The following ARAP2 variants were observed in gnomAD, a reference collection of about 807,000 sequenced individuals.
ARAP2 encodes arf-GAP with Rho-GAP domain, ANK repeat and PH domain-containing protein 2.
Under a neutral mutation model 194.5 loss-of-function variants are expected in ARAP2, and 148 were observed. That is an observed-to-expected ratio of 0.76 (90% CI 0.67 to 0.87). The LOEUF (loss-of-function observed/expected upper bound fraction) is 0.87, where lower values mean the gene tolerates loss of function less well. Ranked by LOEUF, ARAP2 falls within the 40% of genes least tolerant of loss-of-function variation. ARAP2 has a pLI of 0.00. For synonymous variants in ARAP2, 695 were observed against 683.5 expected, an observed-to-expected ratio of 1.02 and a Z score of -0.26; for missense variants, 2,128 against 1,989.7, an observed-to-expected ratio of 1.07 and a Z score of -1.32.
chr4:36,225,418 TG>T (rs5857479), intron 2 of ARAP2, among the ~76,000 whole-genome samples: 56,373 of 151,698 alleles, frequency 0.37, 10,792 homozygotes, highest in Middle Eastern at 0.43. Flanking sequence ...ACAACTCCCA[TG>T]GGCAATGTGG....
intron 32 of ARAP2, among the ~76,000 whole-genome samples, chr4:36,070,613 T>C (rs1443079190): frequency 6.6e-6 from 1 of 152,210 alleles, no homozygotes; most frequent in Non-Finnish European, 1.5e-5. Flanking sequence ...GGCTTTAGCC[T>C]GGGCCTTCAT....
chr4:36,197,452 T>C (rs527932199), intron 6 of ARAP2, among the ~76,000 whole-genome samples: 3 of 152,374 alleles, frequency 2.0e-5, no homozygotes, highest in African/African-American at 7.2e-5. Flanking sequence ...ACCAGATTTT[T>C]ATATGACAAA....
downstream of ARAP2, chr4:36,065,065 A>G: frequency 5.3e-6 from 1 of 189,902 alleles, no homozygotes; most frequent in Non-Finnish European, 1.1e-5. Context: ...GCCAGGCAAG[A>G]GAGCCTTCAG....
chr4:36,131,973 T>C (rs763888068), intron 20 of ARAP2, among the ~76,000 whole-genome samples: 1 of 151,772 alleles, frequency 6.6e-6, no homozygotes, highest in Non-Finnish European at 1.5e-5. Flanking sequence ...TCAGTAGATA[T>C]ATAACAAAAA....
At chr4:36,135,196 A>T (rs1438761364) in intron 19 of ARAP2, among the ~76,000 whole-genome samples, 1 of 151,800 alleles carries the variant, frequency 6.6e-6, no homozygotes, top group Non-Finnish European at 1.5e-5. Context: ...GTTTATATTC[A>T]ACCCAAAGAG....
At chr4:36,095,603 C>T (rs7686021) in intron 27 of ARAP2, among the ~76,000 whole-genome samples, 25,769 of 152,094 alleles carry the variant, frequency 0.17, 5,087 homozygotes, top group African/African-American at 0.48. Flanking sequence ...CCTTTAACAG[C>T]AATTGTATTT....
intron 27 of ARAP2, among the ~76,000 whole-genome samples, chr4:36,103,399 T>A (rs768772442): frequency 6.6e-6 from 1 of 151,536 alleles, no homozygotes; most frequent in Non-Finnish European, 1.5e-5. Context: ...TCTGGAGCCT[T>A]ACAGAAGCTA....
chr4:36,029,333 C>A (rs764044997), intron 5 of ARAP2, among the ~76,000 whole-genome samples: 2 of 151,878 alleles, frequency 1.3e-5, no homozygotes, highest in Non-Finnish European at 2.9e-5. Flanking sequence ...TACATTTTGG[C>A]CTATAATATT....
intron 15 of ARAP2, among the ~76,000 whole-genome samples, chr4:36,157,831 T>C (rs1732928051): frequency 6.6e-6 from 1 of 152,130 alleles, no homozygotes; most frequent in Admixed American, 6.6e-5. Context: ...AAAGCTTTTA[T>C]ATTGAAATAA....
At chr4:36,123,796 C>A (rs1287873997) in intron 22 of ARAP2, among the ~76,000 whole-genome samples, 1 of 151,784 alleles carries the variant, frequency 6.6e-6, no homozygotes, top group African/African-American at 2.4e-5. Flanking sequence ...CAACTTCCTG[C>A]CAGCCAACTA....
chr4:36,072,647 G>T (rs1476999373), intron 32 of ARAP2, among the ~76,000 whole-genome samples: 3 of 137,152 alleles, frequency 2.2e-5, no homozygotes, highest in Non-Finnish European at 3.1e-5. Context: ...CTGCAGAGCG[G>T]TTTATTACCT....
chr4:36,237,708 T>C (rs1241381347), intron 1 of ARAP2, among the ~76,000 whole-genome samples: 6 of 152,186 alleles, frequency 3.9e-5, no homozygotes, highest in Non-Finnish European at 7.3e-5. Flanking sequence ...GTGAGCCAAA[T>C]AAATCAATTT....
chr4:36,169,582 G>C (rs1350812740), intron 9 of ARAP2, among the ~76,000 whole-genome samples: 1 of 149,784 alleles, frequency 6.7e-6, no homozygotes, highest in Non-Finnish European at 1.5e-5. Context: ...CCAGGCTAGA[G>C]TGCAATGGCA....
At chr4:36,197,319 G>C (rs1743332825) in intron 6 of ARAP2, among the ~76,000 whole-genome samples, 2 of 152,250 alleles carry the variant, frequency 1.3e-5, no homozygotes, top group African/African-American at 4.8e-5. Context: ...CTCACGTACA[G>C]CGAAGAAACG....
intron 19 of ARAP2, among the ~76,000 whole-genome samples, chr4:36,146,826 T>C (rs1729733835): frequency 6.6e-6 from 1 of 152,116 alleles, no homozygotes; most frequent in African/African-American, 2.4e-5. Context: ...TTACTCATCA[T>C]GATATCACCA....
chr4:36,043,909 A>AG (rs1721375010), intron 5 of ARAP2, among the ~76,000 whole-genome samples: 1 of 120,128 alleles, frequency 8.3e-6, no homozygotes, highest in African/African-American at 3.2e-5. Flanking sequence ...AGGGAAAGAG[A>AG]AAGAAAAAGA....
intron 15 of ARAP2, among the ~76,000 whole-genome samples, chr4:36,154,124 A>G (rs1444981710): frequency 6.6e-6 from 1 of 152,162 alleles, no homozygotes; most frequent in Non-Finnish European, 1.5e-5. Flanking sequence ...AACTATATAC[A>G]TTCAACTCAA....
intron 5 of ARAP2, among the ~76,000 whole-genome samples, chr4:36,025,432 G>T (rs1318208460): frequency 6.6e-6 from 1 of 152,140 alleles, no homozygotes; most frequent in East Asian, 1.9e-4. Flanking sequence ...AACCTTTACT[G>T]CCAGCCAGCT....
At position 36,213,259 on chromosome 4, in the gene ARAP2, C is replaced by G; in HGVS notation, c.1025G>C (p.Arg342Thr). ...FPYGETFLFQ[R>T]LENSKKRSIK... ...GGGACTAACCTTGGAATTTTCTAGTCTCTGGAAGAGAAAGGTCTCTCCATA... is the reference window on the plus strand; with the variant it reads ...GGGACTAACCTTGGAATTTTCTAGTGTCTGGAAGAGAAAGGTCTCTCCATA... Residue 342 changes from arginine (R) to threonine (T), a missense_variant, in exon 4 of 33, where the codon AGA (arginine) becomes ACA (threonine). By Grantham distance (71) the Arg-to-Thr change is moderately conservative. Transcript: ENST00000303965. 1 of 1,604,740 alleles carries G rather than the reference C, an allele frequency of 6.2e-7. No homozygotes were observed. Among genetic ancestry groups the G allele is most frequent in the Non-Finnish European group, 8.5e-7 (1 of 1,172,270 alleles).
Sources: allele counts gnomAD v4.1 joint callset (sites outside exome capture counted in the v4.1 genomes callset), GRCh38; gene constraint gnomAD v4.1.1; transcripts MANE v1.5; gene names NCBI Gene and HGNC (gene_info 2026-07-23, HGNC 2026-07-21).